Variants in RPH3A observed in about 807,000 individuals in gnomAD.
RPH3A encodes the protein rabphilin 3A.
RPH3A carries 48 observed loss-of-function variants against 102.2 expected under a neutral mutation model. The ratio of observed to expected loss-of-function variants is 0.47; its 90% CI spans 0.37 to 0.60. The LOEUF (loss-of-function observed/expected upper bound fraction) is 0.60. RPH3A is among the 20% of genes least tolerant of loss of function. The probability of loss-of-function intolerance (pLI) is 0.00; values close to 1 mark genes in which losing one functional copy is unlikely to be tolerated. For missense variants in RPH3A, 781 were observed against 910.1 expected, an observed-to-expected ratio of 0.86 and a Z score of 1.83; for synonymous variants, 310 against 324.3, an observed-to-expected ratio of 0.96 and a Z score of 0.47.
At chr12:112,634,018 G>A (rs574761336) in intron 1 of RPH3A, among the ~76,000 whole-genome samples, 1 of 152,262 alleles carries the variant, frequency 6.6e-6, no homozygotes, top group African/African-American at 2.4e-5. Flanking sequence ...GATTCTCAGG[G>A]GTGACAGTGA....
At chr12:112,841,910 G>T in intron 4 of RPH3A, 2 of 455,716 alleles carry the variant, frequency 4.4e-6, no homozygotes, top group South Asian at 3.1e-5. Context: ...CTCTCTGTCC[G>T]TCTGTCTCTC....
At chr12:112,743,365 T>C (rs569911699) in intron 1 of RPH3A, among the ~76,000 whole-genome samples, 11 of 152,304 alleles carry the variant, frequency 7.2e-5, no homozygotes, top group African/African-American at 2.2e-4. Flanking sequence ...GATGTGCCAC[T>C]GGGTATCAAG....
chr12:112,576,984 C>A (rs958850001), intron 1 of RPH3A, among the ~76,000 whole-genome samples: 4 of 140,624 alleles, frequency 2.8e-5, no homozygotes, highest in African/African-American at 8.3e-5. Context: ...TGGCTCATTG[C>A]AGCCTTGACC....
At chr12:112,716,669 C>G (rs1210922284) in intron 1 of RPH3A, among the ~76,000 whole-genome samples, 1 of 152,220 alleles carries the variant, frequency 6.6e-6, no homozygotes, top group Non-Finnish European at 1.5e-5. Flanking sequence ...ATGCCCACAC[C>G]TAAGTGGAGG....
chr12:112,853,439 G>A (rs1353028706), intron 5 of RPH3A, among the ~76,000 whole-genome samples: 10 of 152,078 alleles, frequency 6.6e-5, no homozygotes, highest in Admixed American at 5.2e-4. Flanking sequence ...CCAGTGTTGG[G>A]GATTATTGAG....
chr12:112,671,827 C>A (rs2136009793), intron 1 of RPH3A, among the ~76,000 whole-genome samples: 1 of 151,794 alleles, frequency 6.6e-6, no homozygotes, highest in South Asian at 2.1e-4. Context: ...AGTCAGCGTT[C>A]TCCAGAAAAA....
chr12:112,896,605 C>T, intron 21 of RPH3A, 45 bp from the exon 22 acceptor site: 1 of 1,612,104 alleles, frequency 6.2e-7, no homozygotes, highest in Admixed American at 1.7e-5. Context: ...TCTAGAACGA[C>T]CTCTATTCTG....
In RPH3A at chr12:112,868,499, A is replaced by G. The variant is rs544504128; in HGVS notation, c.514A>G (p.Ile172Val). 1 of 1,614,192 alleles carries G rather than the reference A, an allele frequency of 6.2e-7. No individual in the cohort carries two copies. Among genetic ancestry groups the G allele is most frequent in the Non-Finnish European group, 8.5e-7 (1 of 1,180,022 alleles). ...PKQVLPQPMP[I>V]KKTKPQQPVS... ...ACAGGTCCTCCCACAGCCTATGCCTATAAAGAAGACCAAGCCCCAGCAGCC... is the reference window on the plus strand; with the variant it reads ...ACAGGTCCTCCCACAGCCTATGCCTGTAAAGAAGACCAAGCCCCAGCAGCC... The change falls in exon 8 of 22, where the codon ATA becomes GTA. Residue 172 changes from isoleucine to valine, a missense_variant. Ile to Val is a conservative substitution (Grantham distance 29). Around this residue, in one of 2 missense-constraint regions of RPH3A, gnomAD observed 730 missense variants for 810.0 expected, o/e 0.90. Transcript: ENST00000389385.
rs764997927 is a variant in RPH3A, at chr12:112,704,092, CT to C, written c.-139-88037del. Among the ~76,000 whole-genome samples the C allele has an allele frequency of 8.0e-3, 1,161 of 145,908 alleles. 3 individuals carry two copies. The highest frequency in any genetic ancestry group is 0.011 in the Non-Finnish European group (711 of 65,940). ...TCCTATCTTTTCTCTTCTTCTTCTTCTTTTTTTTTTTTTTGAGACCGAGTTT... is the reference window on the plus strand; with the variant it reads ...TCCTATCTTTTCTCTTCTTCTTCTTCTTTTTTTTTTTTTGAGACCGAGTTT... On this transcript the variant is annotated intron_variant, in intron 1 of 21. Coordinates refer to the RPH3A transcript ENST00000543106.
chr12:112,803,419 T>C lies in RPH3A; in HGVS notation c.-19+11156T>C, dbSNP rs192907065. ...TCATGGAGTCACAGAGCACGCTGTG[T>C]AGGCTGCCCTGCCCTTTGGGTTACA... On this transcript the variant is annotated intron_variant, in intron 2 of 21. Coordinates refer to ENST00000389385, the MANE Select transcript of RPH3A (RefSeq NM_001143854.2). 3.6e-3 allele frequency among the ~76,000 whole-genome samples: 545 copies of C among 152,084 alleles called. 4 individuals are homozygous for C. The highest frequency in any genetic ancestry group is 0.012 in the African/African-American group (518 of 41,494).
intron 1 of RPH3A, among the ~76,000 whole-genome samples, chr12:112,671,930 ATATG>A (rs887024846): frequency 1.3e-5 from 2 of 151,594 alleles, no homozygotes; most frequent in African/African-American, 2.4e-5. Flanking sequence ...ACATACATAT[ATATG>A]TATGTATGTA....
intron 1 of RPH3A, among the ~76,000 whole-genome samples, chr12:112,579,662 G>T (rs1384628883): frequency 6.6e-6 from 1 of 152,152 alleles, no homozygotes; most frequent in Admixed American, 6.5e-5. Flanking sequence ...ATTAGTTTCT[G>T]TTCCTCTGTT....
intron 1 of RPH3A, among the ~76,000 whole-genome samples, chr12:112,634,549 C>CAAAA (rs59376255): frequency 1.9e-5 from 2 of 103,942 alleles, no homozygotes; most frequent in Non-Finnish European, 2.0e-5. Flanking sequence ...GAGCAAGACT[C>CAAAA]AAAAAAAAAA....
intron 2 of RPH3A, among the ~76,000 whole-genome samples, chr12:112,827,012 T>C (rs1178618994): frequency 1.3e-5 from 2 of 152,208 alleles, no homozygotes; most frequent in African/African-American, 4.8e-5. Flanking sequence ...GACTTTTAGC[T>C]AACAGATACT....
At chr12:112,854,508 A>T (rs920028448) in intron 5 of RPH3A, among the ~76,000 whole-genome samples, 1 of 152,254 alleles carries the variant, frequency 6.6e-6, no homozygotes, top group Non-Finnish European at 1.5e-5. Context: ...ACTGAAGAAC[A>T]GAGAGGTTTA....
At position 112,755,296 on chromosome 12, in the gene RPH3A, TATACACACAC is replaced by T. The variant is rs755116833; in HGVS notation, c.-139-36845_-139-36836del. On this transcript the variant is annotated intron_variant, in intron 1 of 21. Coordinates refer to the RPH3A transcript ENST00000543106. The stretch of plus-strand genomic sequence containing the variant: ...AAGTAAAATTGAATATATATATGTA[TATACACACAC>T]ACACACACACACACACACACACACA... Among the ~76,000 whole-genome samples, 39 of 95,220 alleles carry T rather than the reference TATACACACAC, an allele frequency of 4.1e-4. No individual in the cohort carries two copies. In the South Asian group the frequency reaches 6.1e-3, roughly 15 times the overall value. 62.5% of individuals were successfully genotyped at this position (95,220 alleles called of 152,430 possible).
At chr12:112,703,911 G>A (rs1036779057) in intron 1 of RPH3A, among the ~76,000 whole-genome samples, 4 of 152,078 alleles carry the variant, frequency 2.6e-5, no homozygotes, top group Non-Finnish European at 2.9e-5. Context: ...CATGTGCCTT[G>A]GGCAATGAAC....
At chr12:112,745,633 G>A (rs2040740379) in intron 1 of RPH3A, among the ~76,000 whole-genome samples, 1 of 152,186 alleles carries the variant, frequency 6.6e-6, no homozygotes, top group South Asian at 2.1e-4. Context: ...TGTTCCCAGT[G>A]TGAATTCAGC....
chr12:112,851,311 T>C (rs1395728163), intron 5 of RPH3A, among the ~76,000 whole-genome samples: 1 of 152,200 alleles, frequency 6.6e-6, no homozygotes, highest in African/African-American at 2.4e-5. Context: ...CTCGGAACTA[T>C]GCTCTTAAAT....
Sources: allele counts gnomAD v4.1 joint callset (sites outside exome capture counted in the v4.1 genomes callset), GRCh38; gene constraint gnomAD v4.1.1; regional missense constraint gnomAD v4.1.1; transcripts MANE v1.5; gene names NCBI Gene and HGNC (gene_info 2026-07-23, HGNC 2026-07-21).